Variants in XKR6 observed in about 807,000 individuals in gnomAD.
XKR6 encodes the protein XK-related protein 6.
Under a neutral mutation model 56.7 loss-of-function variants are expected in XKR6, and 22 were observed. That is an observed-to-expected ratio of 0.39 (90% CI 0.28 to 0.55). The LOEUF (loss-of-function observed/expected upper bound fraction) is 0.55. Among genes scored for constraint, XKR6 ranks in the 20% least tolerant of loss-of-function variants. The pLI is 0.66. For synonymous variants in XKR6, 524 were observed against 387.8 expected (o/e 1.35, Z -4.13); for missense variants, 852 against 889.0 (o/e 0.96, Z 0.53).
intron 1 of XKR6, among the ~76,000 whole-genome samples, chr8:10,946,134 C>G (rs1801530908): frequency 1.3e-5 from 2 of 152,078 alleles, no homozygotes; most frequent in East Asian, 3.9e-4. Flanking sequence ...ACACACCTCC[C>G]TGTGTCACTC....
chr8:11,084,639 G>A (rs1302496918), intron 1 of XKR6, among the ~76,000 whole-genome samples: 1 of 152,170 alleles, frequency 6.6e-6, no homozygotes, highest in African/African-American at 2.4e-5. Flanking sequence ...TTCTTATTCA[G>A]TCCAAGTCTG....
intron 1 of XKR6, among the ~76,000 whole-genome samples, chr8:10,954,866 C>CCTTTTTTTTTTTT (rs1554515116): frequency 1.1e-4 from 10 of 92,794 alleles, no homozygotes; most frequent in South Asian, 3.6e-4. Context: ...ACTTCATTCT[C>CCTTTTTTTTTTTT]TTTTTTTTTT....
chr8:11,129,390 A>T (rs1186860907), intron 1 of XKR6, among the ~76,000 whole-genome samples: 3 of 152,202 alleles, frequency 2.0e-5, no homozygotes, highest in African/African-American at 7.2e-5. Context: ...AGTTTTATTG[A>T]TGGTACTTAA....
chr8:10,979,635 T>A (rs73662659), intron 1 of XKR6, among the ~76,000 whole-genome samples: 7,772 of 152,278 alleles, frequency 0.051, 560 homozygotes, highest in African/African-American at 0.15. Context: ...GCCTGGCTCC[T>A]CCTTGGGGGA....
chr8:10,991,893 T>C (rs777839758), intron 1 of XKR6, among the ~76,000 whole-genome samples: 19 of 152,196 alleles, frequency 1.2e-4, no homozygotes, highest in Admixed American at 3.9e-4. Flanking sequence ...AGGAAATGGG[T>C]AAAGCCTACT....
chr8:10,969,359 T>G (rs3885690), intron 1 of XKR6, among the ~76,000 whole-genome samples: 1 of 152,018 alleles, frequency 6.6e-6, no homozygotes. Context: ...TCAAGTTAGA[T>G]CTGGTTGAGG....
chr8:11,190,766 G>T (rs940868035), intron 1 of XKR6, among the ~76,000 whole-genome samples: 1 of 152,064 alleles, frequency 6.6e-6, no homozygotes, highest in South Asian at 2.1e-4. Context: ...ATTCTGTCCC[G>T]CCCACAGCTC....
chr8:11,190,164 AGAAAG>A (rs1226582871), intron 1 of XKR6, among the ~76,000 whole-genome samples: 3 of 149,316 alleles, frequency 2.0e-5, no homozygotes, highest in East Asian at 1.9e-4. Flanking sequence ...CCAAAAAAAA[AGAAAG>A]AAAGAAAAGA....
intron 1 of XKR6, among the ~76,000 whole-genome samples, chr8:11,092,979 C>T (rs927503842): frequency 3.3e-5 from 5 of 152,188 alleles, no homozygotes; most frequent in African/African-American, 4.8e-5. Flanking sequence ...TACCCACAGT[C>T]GCCAACCCTG....
intron 1 of XKR6, among the ~76,000 whole-genome samples, chr8:11,135,638 G>C (rs888862643): frequency 1.3e-5 from 2 of 151,812 alleles, no homozygotes; most frequent in African/African-American, 4.8e-5. Flanking sequence ...TATGAACAGA[G>C]GAACAGAAAA....
intron 1 of XKR6, among the ~76,000 whole-genome samples, chr8:10,977,797 C>T (rs922915532): frequency 6.6e-6 from 1 of 151,620 alleles, no homozygotes; most frequent in Non-Finnish European, 1.5e-5. Context: ...ATAGCACATA[C>T]CTTCCAAGTG....
chr8:11,018,069 C>T (rs747371685), intron 1 of XKR6, among the ~76,000 whole-genome samples: 2 of 152,242 alleles, frequency 1.3e-5, no homozygotes, highest in East Asian at 3.9e-4. Flanking sequence ...TGTGACAATC[C>T]CCGAGTTAGA....
chr8:10,924,663 A>G lies in XKR6; in HGVS notation c.932T>C (p.Leu311Pro). Reference protein sequence around the residue: ...PQLVLQLYIMLQKNSAETLPC... With the variant: ...PQLVLQLYIMPQKNSAETLPC... Reference sequence around the variant, plus strand: ...CAGGGTCTCGGCGCTGTTCTTCTGGAGCATGATGTAGAGCTGTAGCACCAG... The same window carrying G: ...CAGGGTCTCGGCGCTGTTCTTCTGGGGCATGATGTAGAGCTGTAGCACCAG... The change falls in exon 2 of 3, where the codon CTC becomes CCC. Residue 311 changes from leucine to proline, a missense_variant. Physicochemically the swap from Leu to Pro is moderately conservative, Grantham distance 98. Transcript: ENST00000416569. The G allele has an allele frequency of 6.2e-7, 1 of 1,611,044 alleles. No individual in the cohort carries two copies.
At chr8:11,192,321 G>C (rs1049782057) in intron 1 of XKR6, among the ~76,000 whole-genome samples, 2 of 152,018 alleles carry the variant, frequency 1.3e-5, no homozygotes, top group African/African-American at 2.4e-5. Flanking sequence ...ACCACGCCCG[G>C]CTAATTTTTG....
At chr8:10,955,313 T>C (rs1241628279) in intron 1 of XKR6, among the ~76,000 whole-genome samples, 8 of 152,086 alleles carry the variant, frequency 5.3e-5, no homozygotes, top group Non-Finnish European at 1.0e-4. Context: ...AGTGGGATTA[T>C]AGGTGTGTGC....
intron 1 of XKR6, among the ~76,000 whole-genome samples, chr8:11,072,781 T>C (rs532299296): frequency 6.8e-6 from 1 of 147,884 alleles, no homozygotes; most frequent in African/African-American, 2.5e-5. Flanking sequence ...CCAGGCAAGG[T>C]AGCTCAAGCC....
intron 1 of XKR6, among the ~76,000 whole-genome samples, chr8:11,120,635 C>T (rs537882088): frequency 2.2e-4 from 33 of 152,136 alleles, no homozygotes; most frequent in African/African-American, 6.7e-4. Context: ...AGATTCAATG[C>T]CATCCCCATC....
intron 2 of XKR6, among the ~76,000 whole-genome samples, chr8:10,902,568 T>C (rs1336373944): frequency 6.6e-6 from 1 of 152,226 alleles, no homozygotes; most frequent in Non-Finnish European, 1.5e-5. Flanking sequence ...TTTCTCAAGA[T>C]CCTTTGTACT....
At chr8:11,080,154 C>A (rs1158453877) in intron 1 of XKR6, among the ~76,000 whole-genome samples, 4 of 150,650 alleles carry the variant, frequency 2.7e-5, no homozygotes, top group African/African-American at 4.9e-5. Context: ...AAAAAAAAAA[C>A]ACACCCACTT....
Sources: gnomAD v4.1 joint callset for allele counts (sites outside exome capture counted in the v4.1 genomes callset) on GRCh38, gnomAD v4.1.1 for gene constraint, MANE v1.5 for transcripts, NCBI Gene and HGNC (gene_info 2026-07-23, HGNC 2026-07-21) for gene names.